Variants in CNTNAP2 observed in about 807,000 individuals in gnomAD.
CNTNAP2 encodes the protein contactin associated protein 2.
CNTNAP2 carries 98 observed loss-of-function variants against 155.2 expected under a neutral mutation model. That is an observed-to-expected ratio of 0.63 (90% CI 0.54 to 0.75). The LOEUF is 0.75. Among genes scored for constraint, CNTNAP2 ranks in the 30% least tolerant of loss-of-function variants. CNTNAP2 has a pLI of 0.00. For synonymous variants in CNTNAP2, 651 were observed against 631.2 expected, an observed-to-expected ratio of 1.03 and a Z score of -0.47; for missense variants, 1,727 against 1,688.1, an observed-to-expected ratio of 1.02 and a Z score of -0.40.
rs1419694373 is a variant in CNTNAP2, at chr7:146,665,829, T to A, written c.98-108442T>A. 3.5e-5 allele frequency among the ~76,000 whole-genome samples: 5 copies of A among 144,578 alleles called. No individual in the cohort carries two copies. In the East Asian group the frequency reaches 9.8e-4, roughly 28 times the overall value. 94.8% of individuals were successfully genotyped at this position (144,578 alleles called of 152,430 possible). A position where few individuals can be genotyped will look rare whatever the true frequency, so the allele number is the denominator to read the frequency against. Reference sequence around the variant, plus strand: ...TTTGTAACTGATTTCTATTTTTAATTTTATAACACTTTTAAAATTATATTG... The same window carrying A: ...TTTGTAACTGATTTCTATTTTTAATATTATAACACTTTTAAAATTATATTG... On this transcript the variant is annotated intron_variant, in intron 1 of 23. Transcript: ENST00000361727.
At chr7:147,648,384 T>G (rs945875367) in intron 13 of CNTNAP2, among the ~76,000 whole-genome samples, 4 of 152,178 alleles carry the variant, frequency 2.6e-5, no homozygotes, top group African/African-American at 7.2e-5. Flanking sequence ...ACTCTCAAAG[T>G]TACGCAAAGT....
intron 14 of CNTNAP2, among the ~76,000 whole-genome samples, chr7:147,929,058 C>T (rs1800450429): frequency 7.3e-6 from 1 of 136,118 alleles, no homozygotes; most frequent in South Asian, 2.3e-4. Flanking sequence ...CGCCGTTGCA[C>T]TCCAGCCGGG....
At chr7:146,228,967 A>T (rs1799338845) in intron 1 of CNTNAP2, among the ~76,000 whole-genome samples, 2 of 152,196 alleles carry the variant, frequency 1.3e-5, no homozygotes, top group South Asian at 4.1e-4. Flanking sequence ...TTATCTTTCG[A>T]ATCACACATG....
At chr7:147,221,473 A>G (rs965502430) in intron 8 of CNTNAP2, among the ~76,000 whole-genome samples, 2 of 152,028 alleles carry the variant, frequency 1.3e-5, no homozygotes, top group Non-Finnish European at 2.9e-5. Context: ...GTCCCATTGC[A>G]AGGAATATCA....
At chr7:147,448,484 G>GTATATATGTATA in intron 10 of CNTNAP2, among the ~76,000 whole-genome samples, 1 of 143,450 alleles carries the variant, frequency 7.0e-6, no homozygotes, top group East Asian at 2.1e-4. Flanking sequence ...GTGTGTGTGT[G>GTATATATGTATA]TATATATATA....
intron 17 of CNTNAP2, among the ~76,000 whole-genome samples, chr7:148,158,809 A>G (rs1805456425): frequency 6.6e-6 from 1 of 152,214 alleles, no homozygotes; most frequent in African/African-American, 2.4e-5. Context: ...TGCAATCAAT[A>G]TGGAAAAATG....
At chr7:146,224,642 G>C (rs570316304) in intron 1 of CNTNAP2, among the ~76,000 whole-genome samples, 4 of 151,850 alleles carry the variant, frequency 2.6e-5, no homozygotes, top group African/African-American at 7.3e-5. Context: ...GGTGGTGGGC[G>C]CCTGTAGTCC....
intron 1 of CNTNAP2, among the ~76,000 whole-genome samples, chr7:146,260,478 G>T: frequency 6.6e-6 from 1 of 152,342 alleles, no homozygotes; most frequent in Middle Eastern, 3.4e-3. Context: ...GTATCCTGCA[G>T]AGCCACAGAG....
intron 1 of CNTNAP2, among the ~76,000 whole-genome samples, chr7:146,183,349 A>G (rs1798576271): frequency 6.6e-6 from 1 of 151,906 alleles, no homozygotes; most frequent in African/African-American, 2.4e-5. Context: ...TTGGTCCCAA[A>G]CTCTTCTCTC....
intron 13 of CNTNAP2, among the ~76,000 whole-genome samples, chr7:147,674,726 T>C (rs1320389231): frequency 2.0e-5 from 3 of 152,156 alleles, no homozygotes; most frequent in African/African-American, 7.2e-5. Flanking sequence ...TAGAATTTAT[T>C]CCTTATTACA....
At chr7:146,550,767 G>T (rs1446098111) in intron 1 of CNTNAP2, among the ~76,000 whole-genome samples, 1 of 151,958 alleles carries the variant, frequency 6.6e-6, no homozygotes, top group African/African-American at 2.4e-5. Flanking sequence ...CCTGTATATA[G>T]AAGGTATTCC....
intron 13 of CNTNAP2, among the ~76,000 whole-genome samples, chr7:147,760,983 T>C (rs1563079489): frequency 6.6e-6 from 1 of 152,170 alleles, no homozygotes; most frequent in Admixed American, 6.5e-5. Context: ...TCAACAAAGA[T>C]AACTAGCACA....
intron 3 of CNTNAP2, among the ~76,000 whole-genome samples, chr7:146,871,940 C>G (rs751197269): frequency 1.8e-4 from 27 of 152,024 alleles, no homozygotes; most frequent in Non-Finnish European, 3.8e-4. Context: ...CCAAAGATTT[C>G]CTTCCTAATT....
At chr7:147,629,539 A>C (rs1795047271) in intron 12 of CNTNAP2, among the ~76,000 whole-genome samples, 1 of 151,906 alleles carries the variant, frequency 6.6e-6, no homozygotes, top group South Asian at 2.1e-4. Context: ...TACTTTCTTC[A>C]ACACACAGAA....
At chr7:146,402,481 A>G (rs555088609) in intron 1 of CNTNAP2, among the ~76,000 whole-genome samples, 92 of 152,306 alleles carry the variant, frequency 6.0e-4, no homozygotes, top group African/African-American at 2.1e-3. Context: ...ATGTAAAACC[A>G]TAAGGATAGC....
chr7:146,273,317 T>A (rs1800113671), intron 1 of CNTNAP2, among the ~76,000 whole-genome samples: 1 of 152,110 alleles, frequency 6.6e-6, no homozygotes, highest in Non-Finnish European at 1.5e-5. Flanking sequence ...TATTCACAAC[T>A]ATAACTAGGC....
At chr7:146,303,564 T>A (rs1800652978) in intron 1 of CNTNAP2, among the ~76,000 whole-genome samples, 1 of 152,140 alleles carries the variant, frequency 6.6e-6, no homozygotes, top group African/African-American at 2.4e-5. Flanking sequence ...TCAGTTTCCA[T>A]GTAGTTGAGC....
At chr7:148,115,842 TA>T (rs201198487) in intron 15 of CNTNAP2, among the ~76,000 whole-genome samples, 57 of 150,290 alleles carry the variant, frequency 3.8e-4, no homozygotes, top group East Asian at 1.2e-3. Flanking sequence ...ATACTTTGTT[TA>T]AAAAAAAAAT....
intron 1 of CNTNAP2, among the ~76,000 whole-genome samples, chr7:146,216,370 A>G (rs189234206): frequency 5.9e-5 from 9 of 152,280 alleles, no homozygotes; most frequent in Admixed American, 5.2e-4. Context: ...ATATTCTAAG[A>G]CTTTTCTTAT....
Sources: allele counts gnomAD v4.1 joint callset (sites outside exome capture counted in the v4.1 genomes callset), GRCh38; gene constraint gnomAD v4.1.1; transcripts MANE v1.5; gene names NCBI Gene and HGNC (gene_info 2026-07-23, HGNC 2026-07-21).